The following SH3PXD2A variants were observed in gnomAD, a reference collection of about 807,000 sequenced individuals.
The protein encoded by SH3PXD2A is SH3 and PX domain-containing protein 2A.
SH3PXD2A carries 32 observed loss-of-function variants against 115.2 expected under a neutral mutation model. The ratio of observed to expected loss-of-function variants is 0.28; its 90% CI spans 0.21 to 0.37. SH3PXD2A has a LOEUF of 0.37. Among genes scored for constraint, SH3PXD2A ranks in the 10% least tolerant of loss-of-function variants. The probability of loss-of-function intolerance (pLI) is 1.00; values close to 1 mark genes in which losing one functional copy is unlikely to be tolerated. For missense variants in SH3PXD2A, 1,328 were observed against 1,498.7 expected, an observed-to-expected ratio of 0.89 and a Z score of 1.88; for synonymous variants, 610 against 629.1, an observed-to-expected ratio of 0.97 and a Z score of 0.45.
chr10:103,766,036 G>A (rs759295964), intron 3 of SH3PXD2A, among the ~76,000 whole-genome samples: 28 of 152,218 alleles, frequency 1.8e-4, no homozygotes, highest in African/African-American at 3.6e-4. Flanking sequence ...GAGGACAGGC[G>A]GTCATAGGGA....
In SH3PXD2A at chr10:103,660,974, G is replaced by T; in HGVS notation, c.604+9C>A. The T allele has an allele frequency of 1.2e-6, 2 of 1,613,662 alleles. No individual in the cohort carries two copies. The highest frequency in any genetic ancestry group is 1.1e-5 in the South Asian group (1 of 91,072). On this transcript the variant is annotated intron_variant, in intron 8 of 14. Coordinates refer to ENST00000369774, the MANE Select transcript of SH3PXD2A (RefSeq NM_001394015.1). ...ACCCCAGTGGACGGCCATTGGCCAG[G>T]GCACTCACCGCTCTCGTTCTTCTCG...
intron 2 of SH3PXD2A, among the ~76,000 whole-genome samples, chr10:103,770,300 T>C (rs1385164457): frequency 6.6e-6 from 1 of 152,232 alleles, no homozygotes; most frequent in East Asian, 1.9e-4. Context: ...CTCAAACTCC[T>C]GGGCTCAAGT....
At chr10:103,661,887 C>A in intron 7 of SH3PXD2A, 3 of 985,172 alleles carry the variant, frequency 3.0e-6, no homozygotes, top group Non-Finnish European at 3.6e-6. Flanking sequence ...CCCGCGCCAG[C>A]GGCTGGCGAG....
Position 103,598,667 on chromosome 10 carries a change from G to C in SH3PXD2A, c.*3149C>G, listed in dbSNP as rs566155323. ...ATCTGGTTTTCCTCCAGATGGGTCA[G>C]AGCCCTAGGCCCCCTCCCTCCTCTG... is the stretch of plus-strand genomic sequence containing the variant. On this transcript the variant is annotated 3_prime_UTR_variant, in exon 15 of 15. Transcript: ENST00000369774. 3 of 152,724 alleles carry C rather than the reference G, an allele frequency of 2.0e-5. No homozygotes were observed. Among genetic ancestry groups the C allele is most frequent in the African/African-American group, 7.2e-5 (3 of 41,558 alleles). The allele number at this position is 152,724 out of a possible 1,614,324, so 9.5% of individuals were successfully genotyped here. A position where few individuals can be genotyped will look rare whatever the true frequency, so the allele number is the denominator to read the frequency against.
At chr10:103,634,048 G>T (rs1414157852) in intron 8 of SH3PXD2A, among the ~76,000 whole-genome samples, 1 of 152,246 alleles carries the variant, frequency 6.6e-6, no homozygotes, top group East Asian at 1.9e-4. Flanking sequence ...AGCTCTCCTT[G>T]TGTGCTGAGG....
chr10:103,612,551 C>T (rs958802221), intron 12 of SH3PXD2A, among the ~76,000 whole-genome samples: 1 of 152,212 alleles, frequency 6.6e-6, no homozygotes, highest in Admixed American at 6.5e-5. Flanking sequence ...TCTTGGAACG[C>T]GTGTATCTGC....
At chr10:103,684,053 T>TGGGCA (rs2037645033) in intron 6 of SH3PXD2A, among the ~76,000 whole-genome samples, 1 of 152,226 alleles carries the variant, frequency 6.6e-6, no homozygotes, top group Non-Finnish European at 1.5e-5. Context: ...TGCTGCTGGT[T>TGGGCA]GGGCAGGGCA....
Position 103,853,666 on chromosome 10 carries a change from G to A in SH3PXD2A, c.72+1529C>T, listed in dbSNP as rs190312911. Among the ~76,000 whole-genome samples, 402 of 152,330 alleles carry A rather than the reference G, an allele frequency of 2.6e-3. 1 individual carries two copies. The highest frequency in any genetic ancestry group is 6.8e-3 in the Middle Eastern group (2 of 294). On this transcript the variant is annotated intron_variant, in intron 1 of 14. Coordinates refer to ENST00000369774, the MANE Select transcript of SH3PXD2A (RefSeq NM_001394015.1). ...GCAACCTTGGGCACCATCGGTGGGA[G>A]CTGAAATGTGATGTTTCATTTAAAA...
At chr10:103,645,349 A>G (rs746872544) in intron 8 of SH3PXD2A, among the ~76,000 whole-genome samples, 1 of 152,308 alleles carries the variant, frequency 6.6e-6, no homozygotes, top group East Asian at 1.9e-4. Context: ...CCTCTGGGCA[A>G]TGTTCCTTCT....
chr10:103,608,607 C>T (rs1212299742), intron 13 of SH3PXD2A: 1 of 147,846 alleles, frequency 6.8e-6, no homozygotes, highest in Non-Finnish European at 1.5e-5. Context: ...CAAAATATTG[C>T]ACATTTTAAT....
intron 3 of SH3PXD2A, among the ~76,000 whole-genome samples, chr10:103,764,324 G>A (rs974627550): frequency 3.3e-5 from 5 of 152,184 alleles, no homozygotes; most frequent in African/African-American, 9.7e-5. Flanking sequence ...TGGGAACCCC[G>A]GGGTAGGATT....
At chr10:103,814,436 T>C (rs1238795687) in intron 1 of SH3PXD2A, among the ~76,000 whole-genome samples, 3 of 152,242 alleles carry the variant, frequency 2.0e-5, no homozygotes, top group Non-Finnish European at 4.4e-5. Flanking sequence ...CAACTCCAGT[T>C]GTCCCTAAAG....
At chr10:103,715,973 C>G (rs950722040) in intron 5 of SH3PXD2A, among the ~76,000 whole-genome samples, 5 of 152,216 alleles carry the variant, frequency 3.3e-5, no homozygotes, top group Non-Finnish European at 7.3e-5. Flanking sequence ...ACTGGACTCC[C>G]CACAATTTTA....
chr10:103,606,879 C>T (rs2036317734), intron 13 of SH3PXD2A, among the ~76,000 whole-genome samples: 1 of 152,232 alleles, frequency 6.6e-6, no homozygotes, highest in Non-Finnish European at 1.5e-5. Flanking sequence ...CCTTGGCCTC[C>T]CAAAGTGCGG....
At chr10:103,639,830 C>G (rs188033442) in intron 8 of SH3PXD2A, among the ~76,000 whole-genome samples, 1 of 152,104 alleles carries the variant, frequency 6.6e-6, no homozygotes, top group African/African-American at 2.4e-5. Flanking sequence ...TGAGAGAGAC[C>G]TGCTGTCAAA....
chr10:103,764,821 C>T (rs528915393), intron 3 of SH3PXD2A, among the ~76,000 whole-genome samples: 9 of 152,276 alleles, frequency 5.9e-5, no homozygotes, highest in African/African-American at 2.2e-4. Context: ...GCTGTGCTTC[C>T]TGGCTGTGTA....
chr10:103,778,824 A>T (rs992917817), intron 2 of SH3PXD2A, among the ~76,000 whole-genome samples: 3 of 152,018 alleles, frequency 2.0e-5, no homozygotes, highest in African/African-American at 7.2e-5. Context: ...TTCACCTATA[A>T]TTTCACACCC....
chr10:103,729,256 C>T (rs749939396), intron 4 of SH3PXD2A, among the ~76,000 whole-genome samples: 34 of 152,196 alleles, frequency 2.2e-4, no homozygotes, highest in Non-Finnish European at 4.6e-4. Context: ...TGATCCACTC[C>T]CTCCTGCCTC....
At chr10:103,842,124 CAAAAAAAA>C (rs541852028) in intron 1 of SH3PXD2A, among the ~76,000 whole-genome samples, 1 of 89,206 alleles carries the variant, frequency 1.1e-5, no homozygotes, top group Non-Finnish European at 2.3e-5. Context: ...GACTCCGTCT[CAAAAAAAA>C]AAAAAAAAAA....
Sources: allele counts gnomAD v4.1 joint callset (sites outside exome capture counted in the v4.1 genomes callset), GRCh38; gene constraint gnomAD v4.1.1; transcripts MANE v1.5; gene names NCBI Gene and HGNC (gene_info 2026-07-23, HGNC 2026-07-21).